The following ODR4 variants were observed in gnomAD, a reference collection of about 807,000 sequenced individuals.
ODR4 encodes the protein protein odr-4 homolog.
In ODR4, 47 loss-of-function variants were observed where a neutral mutation model predicts 60.2. The ratio of observed to expected loss-of-function variants is 0.78; its 90% CI spans 0.62 to 1.00. ODR4 has a LOEUF of 1.00. Ranked by LOEUF, ODR4 falls within the 50% of genes least tolerant of loss-of-function variation. The probability of loss-of-function intolerance (pLI) is 0.00; values close to 1 mark genes in which losing one functional copy is unlikely to be tolerated. For missense variants in ODR4, 488 were observed against 530.8 expected, an observed-to-expected ratio of 0.92 and a Z score of 0.79; for synonymous variants, 178 against 175.5, an observed-to-expected ratio of 1.01 and a Z score of -0.11.
At chr1:186,391,370 T>TA (rs1660463107) in intron 7 of ODR4, among the ~76,000 whole-genome samples, 1 of 151,466 alleles carries the variant, frequency 6.6e-6, no homozygotes, top group African/African-American at 2.4e-5. Context: ...TTTTTAGACT[T>TA]ATTTGATGCT....
rs1460227155 is a variant in ODR4, at chr1:186,383,176, T to G, written c.234+20T>G. The G allele has an allele frequency of 6.5e-7, 1 of 1,540,688 alleles. No individual in the cohort carries two copies. Among genetic ancestry groups the G allele is most frequent in the Non-Finnish European group, 8.7e-7 (1 of 1,144,166 alleles). ...TGCCAGGTTATCTTATTTTTTTGTT[T>G]ATATGTTTAAGTTTTATTTCAAAAA... On this transcript the variant is annotated intron_variant, in intron 3 of 13. Coordinates refer to ENST00000287859, the MANE Select transcript of ODR4 (RefSeq NM_017847.6).
chr1:186,387,898 T>C (rs1444812977), intron 4 of ODR4, among the ~76,000 whole-genome samples: 1 of 152,226 alleles, frequency 6.6e-6, no homozygotes, highest in East Asian at 1.9e-4. Context: ...AATTTGTTAT[T>C]ACTATATTTT....
chr1:186,399,250 G>A (rs961790671), intron 11 of ODR4: 17 of 558,214 alleles, frequency 3.0e-5, no homozygotes, highest in Admixed American at 4.6e-5. Context: ...TGTTGCCCAG[G>A]CTGGGGTGCA....
chr1:186,421,982 G>A (rs1192755234), downstream of ODR4, among the ~76,000 whole-genome samples: 1 of 151,744 alleles, frequency 6.6e-6, no homozygotes, highest in South Asian at 2.1e-4. Context: ...CGGGTGGGGG[G>A]TGAAGTTAGA....
intron 9 of ODR4, among the ~76,000 whole-genome samples, chr1:186,396,523 C>T (rs533376921): frequency 4.6e-5 from 7 of 152,122 alleles, no homozygotes; most frequent in Admixed American, 6.6e-5. Flanking sequence ...GTGGGAGGAT[C>T]GATTGAGCCT....
chr1:186,381,097 C>T (rs1660001412), intron 2 of ODR4, among the ~76,000 whole-genome samples: 2 of 152,166 alleles, frequency 1.3e-5, no homozygotes, highest in Admixed American at 6.5e-5. Context: ...CTTTTTAATT[C>T]AGTTGTAATG....
intron 11 of ODR4, chr1:186,401,526 TTCC>T: frequency 5.4e-6 from 1 of 186,294 alleles, no homozygotes; most frequent in African/African-American, 2.4e-5. Context: ...CCTTCCTTCC[TTCC>T]TTCCTCTCTT....
intron 12 of ODR4, among the ~76,000 whole-genome samples, chr1:186,414,489 T>G (rs1038437000): frequency 3.3e-5 from 5 of 152,084 alleles, no homozygotes; most frequent in Non-Finnish European, 7.4e-5. Context: ...TATAAGGATT[T>G]TATTGGCCCA....
At chr1:186,394,075 C>G (rs1660576468) in intron 9 of ODR4, 60 bp downstream of exon 9, 2 of 993,216 alleles carry the variant, frequency 2.0e-6, no homozygotes, top group South Asian at 3.2e-5. Context: ...GAAACTGTTT[C>G]TGTTTTTATT....
rs1371510124 is a variant in ODR4, at chr1:186,388,423, G to T, written c.331-19G>T. On this transcript the variant is annotated intron_variant, in intron 4 of 13. Coordinates refer to ENST00000287859, the MANE Select transcript of ODR4 (RefSeq NM_017847.6). ...TTTTCATTTTACATTCAATTAGTGTGTATTTTTCTCTCTTTCAGCTAATGT... is the reference window on the plus strand; with the variant it reads ...TTTTCATTTTACATTCAATTAGTGTTTATTTTTCTCTCTTTCAGCTAATGT... 5 of 1,383,434 alleles carry T rather than the reference G, an allele frequency of 3.6e-6. No individual in the cohort carries two copies. Among genetic ancestry groups the T allele is most frequent in the Non-Finnish European group, 4.9e-6 (5 of 1,016,576 alleles). The allele number at this position is 1,383,434 out of a possible 1,614,324, so 85.7% of individuals were successfully genotyped here.
At chr1:186,403,323 A>G (rs1318707002) in intron 11 of ODR4, among the ~76,000 whole-genome samples, 2 of 152,028 alleles carry the variant, frequency 1.3e-5, no homozygotes, top group South Asian at 2.1e-4. Context: ...TTTTGTTACA[A>G]TCATGTGATA....
At chr1:186,412,294 A>G (rs1661407450) in intron 12 of ODR4, among the ~76,000 whole-genome samples, 1 of 152,186 alleles carries the variant, frequency 6.6e-6, no homozygotes, top group African/African-American at 2.4e-5. Context: ...TATAACAAGA[A>G]TGAACAGAGA....
At position 186,420,098 on chromosome 1, in the gene ODR4, A is replaced by G. The variant is rs1251836027; in HGVS notation, c.*1022A>G. On this transcript the variant is annotated 3_prime_UTR_variant, in exon 14 of 14. Transcript: ENST00000287859. Reference sequence around the variant, plus strand: ...ATCTGCTTTTAATAGGTTCACTGGAAGTAGGAGAATTTTCAAGAACCATAC... The same window carrying G: ...ATCTGCTTTTAATAGGTTCACTGGAGGTAGGAGAATTTTCAAGAACCATAC... The G allele has an allele frequency of 6.6e-6, 1 of 152,238 alleles. No individual in the cohort carries two copies. The highest frequency in any genetic ancestry group is 1.9e-4 in the East Asian group (1 of 5,204). The allele number at this position is 152,238 out of a possible 1,614,324, so 9.4% of individuals were successfully genotyped here. A position where few individuals can be genotyped will look rare whatever the true frequency, so the allele number is the denominator to read the frequency against.
chr1:186,412,771 T>A (rs1343912124), intron 12 of ODR4, among the ~76,000 whole-genome samples: 1 of 152,096 alleles, frequency 6.6e-6, no homozygotes, highest in African/African-American at 2.4e-5. Flanking sequence ...GAGTCCTAGA[T>A]TCTCTTGGGG....
intron 4 of ODR4, among the ~76,000 whole-genome samples, chr1:186,387,234 A>G (rs1256220749): frequency 1.3e-5 from 2 of 152,138 alleles, no homozygotes; most frequent in Non-Finnish European, 2.9e-5. Flanking sequence ...AAGGGAAGAA[A>G]ATGGAGATAT....
chr1:186,384,052 G>A (rs1355652287), intron 3 of ODR4, among the ~76,000 whole-genome samples: 6 of 152,154 alleles, frequency 3.9e-5, no homozygotes, highest in Admixed American at 2.0e-4. Context: ...AAAACAAAAC[G>A]AAGAAATCCA....
rs1380733133 is a variant in ODR4, at chr1:186,406,177, G to C, written c.1095G>C (p.Glu365Asp). Reference protein sequence around the residue: ...VMLCDYKFDDESAEEIRDHFM... With the variant: ...VMLCDYKFDDDSAEEIRDHFM... ...TGTGTGATTATAAATTTGACGATGA[G>C]TCAGCTGAAGAAATCAGGGACCATT... The change falls in exon 12 of 14, where the codon GAG becomes GAC. Residue 365 changes from glutamate (E) to aspartate (D), a missense_variant. Coordinates refer to ENST00000287859, the MANE Select transcript of ODR4 (RefSeq NM_017847.6). 1 of 1,612,322 alleles carries C rather than the reference G, an allele frequency of 6.2e-7. No individual in the cohort carries two copies. Among genetic ancestry groups the C allele is most frequent in the Non-Finnish European group, 8.5e-7 (1 of 1,179,180 alleles).
chr1:186,386,125 A>G (rs761790195), intron 4 of ODR4, 42 bp downstream of exon 4: 18 of 1,184,808 alleles, frequency 1.5e-5, no homozygotes, highest in Non-Finnish European at 2.0e-5. Context: ...AATCAGTTAT[A>G]TGTTATTTTT....
chr1:186,423,943 T>A (rs775898688), downstream of ODR4, among the ~76,000 whole-genome samples: 3 of 152,238 alleles, frequency 2.0e-5, no homozygotes, highest in Non-Finnish European at 2.9e-5. Context: ...CCAATAAAGA[T>A]GATGTGCCTC....
Sources: gnomAD v4.1 joint callset for allele counts (sites outside exome capture counted in the v4.1 genomes callset) on GRCh38, gnomAD v4.1.1 for gene constraint, MANE v1.5 for transcripts, NCBI Gene and HGNC (gene_info 2026-07-23, HGNC 2026-07-21) for gene names.